CUBN: variants seen among roughly 807,000 people sequenced by gnomAD.
The protein encoded by CUBN is 460 kDa receptor.
CUBN carries 282 observed loss-of-function variants against 405.3 expected under a neutral mutation model. The observed-to-expected ratio is 0.70, with a 90% CI of 0.63 to 0.77. The LOEUF (loss-of-function observed/expected upper bound fraction) is 0.77. Among genes scored for constraint, CUBN ranks in the 30% least tolerant of loss-of-function variants. CUBN has a pLI of 0.00. For missense variants in CUBN, 4,514 were observed against 4,475.2 expected (o/e 1.01, Z -0.25); for synonymous variants, 1,684 against 1,617.0 (o/e 1.04, Z -0.99).
chr10:16,924,410 T>C (rs1394393545), intron 43 of CUBN, among the ~76,000 whole-genome samples: 3 of 148,316 alleles, frequency 2.0e-5, no homozygotes, highest in African/African-American at 7.5e-5. Flanking sequence ...TGTGTGTCAG[T>C]TGGTGAAGAC....
chr10:16,825,246 G>C (rs1353778969), intron 66 of CUBN, among the ~76,000 whole-genome samples, 164 bp from the exon 67 acceptor site: 5 of 152,132 alleles, frequency 3.3e-5, no homozygotes, highest in African/African-American at 4.8e-5. Context: ...GAATGCAAAT[G>C]CTTTACAAAG....
At chr10:17,009,269 C>G (rs575604770) in intron 28 of CUBN, among the ~76,000 whole-genome samples, 2 of 152,334 alleles carry the variant, frequency 1.3e-5, no homozygotes, top group South Asian at 2.1e-4. Context: ...TTGCATAACT[C>G]TGGCTCCAAG....
intron 3 of CUBN, 87 bp from the exon 4 acceptor site, chr10:17,126,886 C>T: frequency 1.5e-6 from 2 of 1,344,788 alleles, no homozygotes; most frequent in Non-Finnish European, 2.1e-6. Flanking sequence ...TGTCCTAATG[C>T]CCTCTGCTAG....
chr10:17,127,507 T>C (rs1407499046), intron 3 of CUBN, among the ~76,000 whole-genome samples: 2 of 142,368 alleles, frequency 1.4e-5, no homozygotes, highest in Non-Finnish European at 3.0e-5. Context: ...ACTCCTAGGC[T>C]CAAGCGACCC....
intron 17 of CUBN, among the ~76,000 whole-genome samples, chr10:17,077,647 C>T (rs144384388): frequency 5.8e-4 from 89 of 152,276 alleles, no homozygotes; most frequent in African/African-American, 2.1e-3. Flanking sequence ...TAACATGTGG[C>T]TTTCTGTGAA....
chr10:16,991,131 T>A (rs996332764), intron 28 of CUBN, among the ~76,000 whole-genome samples: 1 of 152,206 alleles, frequency 6.6e-6, no homozygotes, highest in African/African-American at 2.4e-5. Context: ...TGTTTCAGAA[T>A]CTTGATATGT....
intron 27 of CUBN, among the ~76,000 whole-genome samples, chr10:17,028,288 C>T (rs1834717290): frequency 6.6e-6 from 1 of 151,418 alleles, no homozygotes; most frequent in African/African-American, 2.4e-5. Flanking sequence ...TCACCACCTG[C>T]TGCAGATGGT....
chr10:17,112,657 G>T (rs1474659137), intron 8 of CUBN, among the ~76,000 whole-genome samples: 1 of 148,922 alleles, frequency 6.7e-6, no homozygotes, highest in Admixed American at 6.7e-5. Context: ...GTCTTTATAG[G>T]TTTTTTTTTT....
At chr10:16,973,218 T>A (rs1392903105) in intron 31 of CUBN, among the ~76,000 whole-genome samples, 4 of 152,184 alleles carry the variant, frequency 2.6e-5, no homozygotes, top group Non-Finnish European at 4.4e-5. Context: ...TTCCCCATCC[T>A]TCCCTTGCAG....
At chr10:17,022,323 C>T (rs1026321283) in intron 27 of CUBN, among the ~76,000 whole-genome samples, 9 of 152,102 alleles carry the variant, frequency 5.9e-5, no homozygotes, top group Non-Finnish European at 1.3e-4. Flanking sequence ...TGTCATTCAC[C>T]CCAAAGCACT....
chr10:17,075,222 T>A (rs7089289), intron 17 of CUBN, among the ~76,000 whole-genome samples: 320 of 151,980 alleles, frequency 2.1e-3, no homozygotes, highest in Middle Eastern at 0.01. Context: ...TAGCTGAGAC[T>A]GCAAGGGCAC....
At chr10:16,913,128 A>T (rs1005226889) in intron 48 of CUBN, among the ~76,000 whole-genome samples, 1 of 152,126 alleles carries the variant, frequency 6.6e-6, no homozygotes, top group African/African-American at 2.4e-5. Context: ...AAGATTTTTG[A>T]CCCAAGCAAC....
chr10:16,841,339 T>C (rs1839342321), intron 60 of CUBN, among the ~76,000 whole-genome samples: 1 of 152,180 alleles, frequency 6.6e-6, no homozygotes, highest in South Asian at 2.1e-4. Context: ...CTGCACCGAC[T>C]CACACTATGG....
rs150315074 is a variant in CUBN at position 17,065,420 on chromosome 10, C to T, written c.3139+88G>A. The T allele has an allele frequency of 2.5e-5, 38 of 1,527,418 alleles. No homozygotes were observed. The Middle Eastern group carries it at 5.2e-4, about 21-fold the overall frequency. 94.6% of individuals were successfully genotyped at this position (1,527,418 alleles called of 1,614,324 possible). A position where few individuals can be genotyped will look rare whatever the true frequency, so the allele number is the denominator to read the frequency against. On this transcript the variant is annotated intron_variant, in intron 22 of 66. Transcript: ENST00000377833. Reference sequence around the variant, plus strand: ...GCTCTCATTGTGTGCCACAGGTTTGCGGATGATGTATTCTCATTGTGTTTT... The same window carrying T: ...GCTCTCATTGTGTGCCACAGGTTTGTGGATGATGTATTCTCATTGTGTTTT...
intron 41 of CUBN, among the ~76,000 whole-genome samples, chr10:16,927,254 G>GA (rs1302285656): frequency 6.6e-6 from 1 of 152,024 alleles, no homozygotes; most frequent in African/African-American, 2.4e-5. Flanking sequence ...AAAGGAAGAG[G>GA]ATAAAAGGAG....
At chr10:16,874,190 G>A (rs766618076) in intron 58 of CUBN, among the ~76,000 whole-genome samples, 184 bp downstream of exon 58, 1 of 152,098 alleles carries the variant, frequency 6.6e-6, no homozygotes, top group South Asian at 2.1e-4. Flanking sequence ...AGTTACTACC[G>A]GCTTGTGTGG....
intron 43 of CUBN, among the ~76,000 whole-genome samples, chr10:16,923,941 G>T (rs1393690158): frequency 1.3e-5 from 2 of 152,082 alleles, no homozygotes; most frequent in Non-Finnish European, 2.9e-5. Flanking sequence ...GCATGATGGT[G>T]CATGCCTATA....
chr10:16,988,103 C>T (rs910888504), intron 29 of CUBN, among the ~76,000 whole-genome samples: 1 of 152,152 alleles, frequency 6.6e-6, no homozygotes, highest in African/African-American at 2.4e-5. Flanking sequence ...TAGGGAACAG[C>T]CCCTGTCTCT....
At chr10:16,845,260 GTAA>G (rs765443453) in intron 60 of CUBN, among the ~76,000 whole-genome samples, 6 of 152,304 alleles carry the variant, frequency 3.9e-5, no homozygotes, top group Non-Finnish European at 5.9e-5. Context: ...CTTTTCAAAG[GTAA>G]TAATTTCATA....
Sources: allele counts gnomAD v4.1 joint callset (sites outside exome capture counted in the v4.1 genomes callset), GRCh38; gene constraint gnomAD v4.1.1; transcripts MANE v1.5; gene names NCBI Gene and HGNC (gene_info 2026-07-23, HGNC 2026-07-21).